NIP7: variants seen among roughly 807,000 people sequenced by gnomAD.
The protein encoded by NIP7 is 60S ribosome subunit biogenesis protein NIP7 homolog.
In NIP7, 12 loss-of-function variants were observed where a neutral mutation model predicts 20.1. The ratio of observed to expected loss-of-function variants is 0.60; its 90% CI spans 0.38 to 0.97. The LOEUF is 0.97. Ranked by LOEUF, NIP7 falls within the 50% of genes least tolerant of loss-of-function variation. NIP7 has a pLI of 0.00. For missense variants in NIP7, 226 were observed against 226.6 expected, an observed-to-expected ratio of 1.00 and a Z score of 0.02; for synonymous variants, 103 against 87.2, an observed-to-expected ratio of 1.18 and a Z score of -1.01.
In NIP7 at chr16:69,339,992, C is replaced by A. The variant is rs769378237; in HGVS notation, c.57-14C>A. On this transcript the variant is annotated splice_polypyrimidine_tract_variant and intron_variant, in intron 1 of 4. Coordinates refer to ENST00000254940, the MANE Select transcript of NIP7 (RefSeq NM_016101.5). ...TCGTTCGGGCGCGGTCTCCAGTCCT[C>A]TTTTTGCCCTCAGCATTGGGGAGAA... The A allele has an allele frequency of 6.2e-7, 1 of 1,613,526 alleles. No individual in the cohort carries two copies. The highest frequency in any genetic ancestry group is 1.1e-5 in the South Asian group (1 of 91,064).
Position 69,341,681 on chromosome 16 carries a change from GTA to G in NIP7, c.*31_*32del. 1 of 1,611,762 alleles carries G rather than the reference GTA, an allele frequency of 6.2e-7. No individual in the cohort carries two copies. Among genetic ancestry groups the G allele is most frequent in the Non-Finnish European group, 8.5e-7 (1 of 1,178,536 alleles). ...GAAGCCATTCCAAGGACAGACGGCT[GTA>G]TGGAAAGGCCGAGCTTTGTTTCCTG... On this transcript the variant is annotated 3_prime_UTR_variant, in exon 5 of 5. Coordinates refer to ENST00000254940, the MANE Select transcript of NIP7 (RefSeq NM_016101.5).
rs1189534355 is a variant in NIP7, at chr16:69,340,002, T to G, written c.57-4T>G. ...GCGGTCTCCAGTCCTCTTTTTGCCC[T>G]CAGCATTGGGGAGAATCTTCAACTG... On this transcript the variant is annotated splice_polypyrimidine_tract_variant and splice_region_variant and intron_variant, in intron 1 of 4. Coordinates refer to ENST00000254940, the MANE Select transcript of NIP7 (RefSeq NM_016101.5). 1 of 1,613,500 alleles carries G rather than the reference T, an allele frequency of 6.2e-7. No individual in the cohort carries two copies. Among genetic ancestry groups the G allele is most frequent in the East Asian group, 2.2e-5 (1 of 44,868 alleles).
chr16:69,340,871 G>A, intron 3 of NIP7: 2 of 258,582 alleles, frequency 7.7e-6, no homozygotes, highest in South Asian at 8.7e-5. Context: ...ACCACACCTG[G>A]CTGATTTTTT....
At chr16:69,340,855 T>C (rs2012513420) in intron 3 of NIP7, 1 of 250,556 alleles carries the variant, frequency 4.0e-6, no homozygotes. Flanking sequence ...ATTACAGGCA[T>C]GTGCCACCAC....
rs534224498 is a variant in NIP7 at position 69,341,966 on chromosome 16, G to A, written c.*314G>A. 1 of 203,252 alleles carries A rather than the reference G, an allele frequency of 4.9e-6. No homozygotes were observed. Among genetic ancestry groups the A allele is most frequent in the South Asian group, 1.2e-4 (1 of 8,002 alleles). The allele number at this position is 203,252 out of a possible 1,614,324, so 12.6% of individuals were successfully genotyped here. ...GAACAAGAATAGCTTATTGTTATCT[G>A]TGATAACACTGTTTTCTAAACACAA... On this transcript the variant is annotated 3_prime_UTR_variant, in exon 5 of 5. Coordinates refer to ENST00000254940, the MANE Select transcript of NIP7 (RefSeq NM_016101.5).
At chr16:69,340,429 G>A in intron 3 of NIP7, 97 bp downstream of exon 3, 1 of 1,460,450 alleles carries the variant, frequency 6.8e-7, no homozygotes, top group Non-Finnish European at 9.3e-7. Context: ...CTGACAGTGT[G>A]CTTGGAGGAG....
intron 3 of NIP7, 30 bp downstream of exon 3, chr16:69,340,362 G>A (rs1351518680): frequency 6.2e-7 from 1 of 1,603,560 alleles, no homozygotes; most frequent in African/African-American, 1.3e-5. Context: ...ATTCTGCCAC[G>A]GGCGATGAAG....
chr16:69,340,228 G>A lies in NIP7; in HGVS notation c.178G>A (p.Gly60Arg). 1 of 1,614,136 alleles carries A rather than the reference G, an allele frequency of 6.2e-7. No homozygotes were observed. Among genetic ancestry groups the A allele is most frequent in the Non-Finnish European group, 8.5e-7 (1 of 1,180,030 alleles). Residue 60 changes from glycine to arginine, a missense_variant, in exon 3 of 5, where the codon GGG becomes AGG. Coordinates refer to ENST00000254940, the MANE Select transcript of NIP7 (RefSeq NM_016101.5). ...KIMKLAANIS[G>R]DKLVSLGTCF... is the part of the protein sequence containing the mutation. ...TATGAAGCTGGCCGCCAATATTTCC[G>A]GGGACAAGCTGGTGTCGCTGGGGAC...
intron 3 of NIP7, 168 bp from the exon 4 acceptor site, chr16:69,341,012 A>C: frequency 3.2e-6 from 2 of 626,338 alleles, no homozygotes; most frequent in Admixed American, 6.3e-5. Flanking sequence ...TGCACCGGGC[A>C]ACTTCCTGCA....
rs2012570831 is a variant in NIP7, at chr16:69,341,993, G to T, written c.*341G>T. 1.1e-5 allele frequency: 2 copies of T among 176,134 alleles called. No individual in the cohort carries two copies. Among genetic ancestry groups the T allele is most frequent in the Non-Finnish European group, 1.2e-5 (1 of 83,498 alleles). 10.9% of individuals were successfully genotyped at this position (176,134 alleles called of 1,614,324 possible). ...GATAACACTGTTTTCTAAACACAAGGATTTTCTTTTTTATTAATATGCAAC... is the reference window on the plus strand; with the variant it reads ...GATAACACTGTTTTCTAAACACAAGTATTTTCTTTTTTATTAATATGCAAC... On this transcript the variant is annotated 3_prime_UTR_variant, in exon 5 of 5. Coordinates refer to ENST00000254940, the MANE Select transcript of NIP7 (RefSeq NM_016101.5).
intron 3 of NIP7, 75 bp downstream of exon 3, chr16:69,340,407 C>T (rs1399798305): frequency 6.5e-7 from 1 of 1,545,762 alleles, no homozygotes; most frequent in African/African-American, 1.4e-5. Context: ...CAGCTTCTCT[C>T]CCACAGAGTC....
intron 3 of NIP7, chr16:69,340,608 C>T (rs1385661411): frequency 8.9e-6 from 4 of 447,742 alleles, no homozygotes; most frequent in East Asian, 3.6e-5. Context: ...ATGAAGACAC[C>T]GGGGTCCAGA....
Position 69,340,187 on chromosome 16 carries a change from CT to C in NIP7, c.144-3del. ...TCCGCAACCTTGCTCCCCCTTTACC[CT>C]TTTAGTGAGAAGATTATGAAGCTGG... On this transcript the variant is annotated splice_polypyrimidine_tract_variant and splice_region_variant and intron_variant, in intron 2 of 4. Coordinates refer to ENST00000254940, the MANE Select transcript of NIP7 (RefSeq NM_016101.5). 1 of 1,613,444 alleles carries C rather than the reference CT, an allele frequency of 6.2e-7. No individual in the cohort carries two copies. The highest frequency in any genetic ancestry group is 1.1e-5 in the South Asian group (1 of 91,074).
Position 69,340,103 on chromosome 16 carries a change from G to A in NIP7, c.143+11G>A, listed in dbSNP as rs1435024390. The A allele has an allele frequency of 3.1e-6, 5 of 1,613,322 alleles. No homozygotes were observed. The African/African-American group carries it at 5.4e-5, about 17-fold the overall frequency. On this transcript the variant is annotated intron_variant, in intron 2 of 4. Coordinates refer to ENST00000254940, the MANE Select transcript of NIP7 (RefSeq NM_016101.5). ...GGTGTACTATGTGAGGTGAGGCGGG[G>A]CCGGGCAGGCAGCATGGACCCAGGG...
rs1226707830 is a variant in NIP7, at chr16:69,342,798, T to G, written c.*1146T>G. 1 of 152,136 alleles carries G rather than the reference T, an allele frequency of 6.6e-6. No individual in the cohort carries two copies. The highest frequency in any genetic ancestry group is 2.1e-4 in the South Asian group (1 of 4,836). 9.4% of individuals were successfully genotyped at this position (152,136 alleles called of 1,614,324 possible). A position where few individuals can be genotyped will look rare whatever the true frequency, so the allele number is the denominator to read the frequency against. On this transcript the variant is annotated 3_prime_UTR_variant, in exon 5 of 5. Coordinates refer to ENST00000254940, the MANE Select transcript of NIP7 (RefSeq NM_016101.5). ...GATGGGATGACGCTAGGCTGGAAAG[T>G]TTTTTTCATCACTATGATTTTATAA...
chr16:69,341,160 G>C lies in NIP7; in HGVS notation c.283-20G>C, dbSNP rs2012530061. ...AAATAGTAACGTTTTTATGTCTCTTGGATTTTAATTCTCTTATAGTATAAA... is the reference window on the plus strand; with the variant it reads ...AAATAGTAACGTTTTTATGTCTCTTCGATTTTAATTCTCTTATAGTATAAA... On this transcript the variant is annotated intron_variant, in intron 3 of 4. Transcript: ENST00000254940. 1.2e-6 allele frequency: 2 copies of C among 1,603,064 alleles called. No homozygotes were observed. Among genetic ancestry groups the C allele is most frequent in the Admixed American group, 3.5e-5 (2 of 57,834 alleles).
Position 69,341,138 on chromosome 16 carries a change from T to C in NIP7, c.283-42T>C, listed in dbSNP as rs752490000. The C allele has an allele frequency of 3.2e-6, 5 of 1,566,772 alleles. No individual in the cohort carries two copies. The African/African-American group carries it at 5.5e-5, about 17-fold the overall frequency. On this transcript the variant is annotated intron_variant, in intron 3 of 4. Coordinates refer to ENST00000254940, the MANE Select transcript of NIP7 (RefSeq NM_016101.5). ...GCTAGCTTGTCTGCATGGATAGAAA[T>C]AGTAACGTTTTTATGTCTCTTGGAT... is the stretch of plus-strand genomic sequence containing the variant.
intron 3 of NIP7, 27 bp from the exon 4 acceptor site, chr16:69,341,153 G>A (rs1309889768): frequency 6.3e-7 from 1 of 1,595,166 alleles, no homozygotes; most frequent in Non-Finnish European, 8.5e-7. Flanking sequence ...ACGTTTTTAT[G>A]TCTCTTGGAT....
At position 69,341,249 on chromosome 16, in the gene NIP7, C is replaced by G. The variant is rs754217864; in HGVS notation, c.352C>G (p.Leu118Val). ...LYGNHVLKSG[L>V]GRITENTSQY... Reference sequence around the variant, plus strand: ...TGGGAACCATGTGTTGAAATCTGGTCTGGGTCGAATCACTGAAAATACTTC... The same window carrying G: ...TGGGAACCATGTGTTGAAATCTGGTGTGGGTCGAATCACTGAAAATACTTC... Residue 118 changes from leucine to valine, a missense_variant, in exon 4 of 5, where the codon CTG (leucine) becomes GTG (valine). By Grantham distance (32) the Leu-to-Val change is conservative. Coordinates refer to ENST00000254940, the MANE Select transcript of NIP7 (RefSeq NM_016101.5). The G allele has an allele frequency of 6.2e-7, 1 of 1,614,044 alleles. No homozygotes were observed. Among genetic ancestry groups the G allele is most frequent in the Non-Finnish European group, 8.5e-7 (1 of 1,179,968 alleles).
Sources: allele counts gnomAD v4.1 joint callset, GRCh38; gene constraint gnomAD v4.1.1; transcripts MANE v1.5; gene names NCBI Gene and HGNC (gene_info 2026-07-23, HGNC 2026-07-21).